Variants in AFAP1L2 observed in about 807,000 individuals in gnomAD.
The protein encoded by AFAP1L2 is actin filament-associated protein 1-like 2.
Under a neutral mutation model 99.3 loss-of-function variants are expected in AFAP1L2, and 46 were observed. The observed-to-expected ratio is 0.46, with a 90% CI of 0.37 to 0.59. AFAP1L2 has a LOEUF of 0.59. Ranked by LOEUF, AFAP1L2 falls within the 20% of genes least tolerant of loss-of-function variation. The probability of loss-of-function intolerance (pLI) is 0.00; values close to 1 mark genes in which losing one functional copy is unlikely to be tolerated. For synonymous variants in AFAP1L2, 397 were observed against 419.1 expected, an observed-to-expected ratio of 0.95 and a Z score of 0.64; for missense variants, 959 against 1,034.9, an observed-to-expected ratio of 0.93 and a Z score of 1.01.
intron 1 of AFAP1L2, among the ~76,000 whole-genome samples, chr10:114,356,567 A>C (rs1395762657): frequency 6.6e-6 from 1 of 152,246 alleles, no homozygotes; most frequent in African/African-American, 2.4e-5. Flanking sequence ...TTAAAATTAC[A>C]TATGTGTTTT....
chr10:114,395,809 C>T (rs868006161), intron 1 of AFAP1L2, among the ~76,000 whole-genome samples: 7 of 148,678 alleles, frequency 4.7e-5, no homozygotes, highest in South Asian at 2.1e-4. Flanking sequence ...CTCCCAGCTT[C>T]TCCCTTGCAC....
chr10:114,327,147 T>TTATATATATTTATATATATATATATATA (rs2046423035), intron 4 of AFAP1L2, among the ~76,000 whole-genome samples: 1 of 54,538 alleles, frequency 1.8e-5, no homozygotes, highest in Non-Finnish European at 4.9e-5. Flanking sequence ...TTATATATAT[T>TTATATATATTTATATATATATATATATA]TATATATATA....
chr10:114,371,649 G>A (rs2054118127), intron 1 of AFAP1L2, among the ~76,000 whole-genome samples: 1 of 151,988 alleles, frequency 6.6e-6, no homozygotes, highest in Non-Finnish European at 1.5e-5. Context: ...ATTACACACT[G>A]GGGCCTGTTG....
intron 1 of AFAP1L2, among the ~76,000 whole-genome samples, chr10:114,348,456 T>C (rs1484457542): frequency 6.6e-6 from 1 of 152,202 alleles, no homozygotes. Context: ...GCATATGAGA[T>C]TCATCCCGGT....
chr10:114,314,521 GA>G (rs2043803726), intron 6 of AFAP1L2, among the ~76,000 whole-genome samples: 1 of 152,150 alleles, frequency 6.6e-6, no homozygotes, highest in Non-Finnish European at 1.5e-5. Flanking sequence ...ACAAAGAAAG[GA>G]AGGACTCTTC....
At chr10:114,303,132 T>C (rs1236205590) in intron 11 of AFAP1L2, among the ~76,000 whole-genome samples, 4 of 152,192 alleles carry the variant, frequency 2.6e-5, no homozygotes, top group Non-Finnish European at 5.9e-5. Flanking sequence ...CCACACTGTT[T>C]CTTACCTTTA....
chr10:114,327,817 A>C (rs2046609870), intron 4 of AFAP1L2, among the ~76,000 whole-genome samples: 1 of 152,232 alleles, frequency 6.6e-6, no homozygotes, highest in Non-Finnish European at 1.5e-5. Context: ...AGAGCTGATG[A>C]GGGGTGGCTC....
At chr10:114,329,859 A>G (rs1189057758) in intron 4 of AFAP1L2, among the ~76,000 whole-genome samples, 1 of 152,196 alleles carries the variant, frequency 6.6e-6, no homozygotes, top group African/African-American at 2.4e-5. Flanking sequence ...AGTACTTCCC[A>G]ACTGTGGGAC....
intron 1 of AFAP1L2, 114 bp downstream of exon 1, chr10:114,404,326 G>C (rs1179086565): frequency 8.2e-7 from 1 of 1,213,442 alleles, no homozygotes; most frequent in Non-Finnish European, 1.2e-6. Context: ...GGCTGGGTGG[G>C]GGCAGTGGGC....
At chr10:114,286,693 ATAG>A in the AFAP1L2 span, among the ~76,000 whole-genome samples, 10 of 152,378 alleles carry the variant, frequency 6.6e-5, no homozygotes, top group East Asian at 1.3e-3. Flanking sequence ...AATGGGACTA[ATAG>A]TAGTACCTCC....
chr10:114,295,625 C>A lies in AFAP1L2; in HGVS notation c.*417G>T. The A allele has an allele frequency of 1.0e-6, 1 of 998,338 alleles. No individual in the cohort carries two copies. Among genetic ancestry groups the A allele is most frequent in the Non-Finnish European group, 1.2e-6 (1 of 838,304 alleles). The allele number at this position is 998,338 out of a possible 1,614,324, so 61.8% of individuals were successfully genotyped here. On this transcript the variant is annotated 3_prime_UTR_variant, in exon 19 of 19. Coordinates refer to ENST00000304129, the MANE Select transcript of AFAP1L2 (RefSeq NM_001001936.3). ...TAAGTATTGGATAAGAGATGATGGC[C>A]AGGAGTTTAGGTCTTCTCACTCACC... is the stretch of plus-strand genomic sequence containing the variant.
rs58913436 is a variant in AFAP1L2, at chr10:114,397,933, C to T, written c.16+6507G>A. On this transcript the variant is annotated intron_variant, in intron 1 of 18. Transcript: ENST00000304129. ...ACTCAGGGGCCTGCTTAGAAAACAG[C>T]AGAACAGGATTTCTACTGGCATGGG... 6.3e-3 allele frequency among the ~76,000 whole-genome samples: 961 copies of T among 152,238 alleles called. 9 individuals carry two copies. The highest frequency in any genetic ancestry group is 0.022 in the African/African-American group (909 of 41,530).
chr10:114,318,465 A>G (rs2044498724), intron 5 of AFAP1L2, among the ~76,000 whole-genome samples: 1 of 152,166 alleles, frequency 6.6e-6, no homozygotes, highest in Admixed American at 6.5e-5. Context: ...GAGGCTGGGC[A>G]TGGTGGCTCA....
chr10:114,319,381 T>A (rs1408345339), intron 5 of AFAP1L2, among the ~76,000 whole-genome samples: 1 of 86,312 alleles, frequency 1.2e-5, no homozygotes, highest in African/African-American at 4.5e-5. Flanking sequence ...GGGTGGGGGG[T>A]GGGGGCTGTG....
chr10:114,349,471 C>A (rs551161491), intron 1 of AFAP1L2, among the ~76,000 whole-genome samples: 1 of 150,284 alleles, frequency 6.7e-6, no homozygotes, highest in Non-Finnish European at 1.5e-5. Flanking sequence ...CACCTGTAGT[C>A]CCAGCTACCC....
intron 1 of AFAP1L2, among the ~76,000 whole-genome samples, chr10:114,370,048 ACT>A (rs777392316): frequency 1.2e-4 from 19 of 152,032 alleles, no homozygotes; most frequent in African/African-American, 4.1e-4. Context: ...CCCCTCCCTG[ACT>A]CTGTTTCCCC....
intron 1 of AFAP1L2, among the ~76,000 whole-genome samples, chr10:114,391,615 C>A (rs59618435): frequency 0.022 from 3,292 of 152,272 alleles, 133 homozygotes; most frequent in African/African-American, 0.075. Flanking sequence ...AGCTTACAGC[C>A]TACTAGAAAT....
chr10:114,380,794 A>G (rs1193775468), intron 1 of AFAP1L2, among the ~76,000 whole-genome samples: 1 of 152,228 alleles, frequency 6.6e-6, no homozygotes, highest in Admixed American at 6.5e-5. Flanking sequence ...GCAAATTTGG[A>G]CCCTTGTATC....
chr10:114,329,995 G>A (rs1213520156), intron 4 of AFAP1L2, among the ~76,000 whole-genome samples: 2 of 152,170 alleles, frequency 1.3e-5, no homozygotes, highest in East Asian at 1.9e-4. Context: ...GGCTCAGGGT[G>A]TAGCAGTCGC....
Sources: gnomAD v4.1 joint callset for allele counts (sites outside exome capture counted in the v4.1 genomes callset) on GRCh38, gnomAD v4.1.1 for gene constraint, MANE v1.5 for transcripts, NCBI Gene and HGNC (gene_info 2026-07-23, HGNC 2026-07-21) for gene names.